The following SPAG17 variants were observed in gnomAD, a reference collection of about 807,000 sequenced individuals.
SPAG17 encodes sperm associated antigen 17.
SPAG17 carries 169 observed loss-of-function variants against 273.6 expected under a neutral mutation model. The ratio of observed to expected loss-of-function variants is 0.62; its 90% CI spans 0.55 to 0.70. The LOEUF (loss-of-function observed/expected upper bound fraction) is 0.70, where lower values mean the gene tolerates loss of function less well. SPAG17 is among the 30% of genes least tolerant of loss of function. The probability of loss-of-function intolerance (pLI) is 0.00; values close to 1 mark genes in which losing one functional copy is unlikely to be tolerated. For missense variants in SPAG17, 2,557 were observed against 2,627.8 expected (o/e 0.97, Z 0.59); for synonymous variants, 825 against 873.2 (o/e 0.94, Z 0.97).
chr1:118,058,283 C>T (rs574418335), intron 18 of SPAG17, among the ~76,000 whole-genome samples: 60 of 152,268 alleles, frequency 3.9e-4, no homozygotes, highest in African/African-American at 1.3e-3. Flanking sequence ...TCATGTCTCA[C>T]AGGTGCCTCA....
rs72374195 is a variant in SPAG17, at chr1:118,089,332, C to CGTGTGTGTGT, written c.1359+2264_1359+2273dup. Among the ~76,000 whole-genome samples the CGTGTGTGTGT allele has an allele frequency of 2.3e-4, 31 of 135,878 alleles. 1 individual carries two copies. Among genetic ancestry groups the CGTGTGTGTGT allele is most frequent in the African/African-American group, 7.7e-4 (28 of 36,500 alleles). 89.1% of individuals were successfully genotyped at this position (135,878 alleles called of 152,430 possible). ...AAAACCAGAAGGCCTATGTAGATGA[C>CGTGTGTGTGT]GTGTGTGTGTGTGTGTGTGTGTGGT... is the stretch of plus-strand genomic sequence containing the variant. On this transcript the variant is annotated intron_variant, in intron 10 of 48. Coordinates refer to ENST00000336338, the MANE Select transcript of SPAG17 (RefSeq NM_206996.4).
rs1242569093 is a variant in SPAG17, at chr1:118,036,844, C to A, written c.3359G>T (p.Gly1120Val). 3 of 1,561,016 alleles carry A rather than the reference C, an allele frequency of 1.9e-6. No homozygotes were observed. Among genetic ancestry groups the A allele is most frequent in the Non-Finnish European group, 2.6e-6 (3 of 1,150,992 alleles). The change falls in exon 24 of 49, where the codon GGA becomes GTA. Residue 1120 changes from glycine to valine, a missense_variant. Gly to Val is a moderately radical substitution (Grantham distance 109, BLOSUM62 -3). Transcript: ENST00000336338. ...ATTTTCTAAGGTGGCAGAAAAAGAT[C>A]CAAACTTGCTGAAAGCTTTATTCTT... The part of the protein sequence containing the change: ...DAKNKAFSKF[G>V]SFSATLENGI...
intron 28 of SPAG17, among the ~76,000 whole-genome samples, chr1:118,020,220 A>G (rs1017805923): frequency 6.6e-6 from 1 of 152,200 alleles, no homozygotes; most frequent in African/African-American, 2.4e-5. Flanking sequence ...GGAGTTCAAG[A>G]CCAGCCTGGC....
chr1:118,033,392 C>CT (rs917686022), intron 24 of SPAG17, among the ~76,000 whole-genome samples: 7 of 152,156 alleles, frequency 4.6e-5, no homozygotes, highest in African/African-American at 1.4e-4. Flanking sequence ...TTTGCATTTA[C>CT]TTTTTTTGAC....
chr1:118,141,882 T>A (rs1252029540), intron 3 of SPAG17, among the ~76,000 whole-genome samples: 1 of 152,240 alleles, frequency 6.6e-6, no homozygotes, highest in African/African-American at 2.4e-5. Context: ...ATAATGTATA[T>A]TAGTCTCCAT....
intron 46 of SPAG17, among the ~76,000 whole-genome samples, chr1:117,969,619 T>A (rs1654322227): frequency 1.3e-5 from 2 of 152,070 alleles, no homozygotes; most frequent in Admixed American, 1.3e-4. Context: ...CAAATATGAT[T>A]TCTTAGTATG....
intron 3 of SPAG17, among the ~76,000 whole-genome samples, chr1:118,149,755 G>T (rs1659270443): frequency 6.6e-6 from 1 of 152,190 alleles, no homozygotes. Flanking sequence ...GTGCAAACAA[G>T]TTCGTCTTAG....
chr1:117,992,581 A>G lies in SPAG17; in HGVS notation c.5246T>C (p.Leu1749Pro), dbSNP rs1439023822. The G allele has an allele frequency of 6.2e-7, 1 of 1,613,758 alleles. No individual in the cohort carries two copies. The highest frequency in any genetic ancestry group is 8.5e-7 in the Non-Finnish European group (1 of 1,179,842). Residue 1749 changes from leucine (L) to proline (P), a missense_variant, in exon 36 of 49, where the codon CTA becomes CCA. Physicochemically the swap from Leu to Pro is moderately conservative, Grantham distance 98 (BLOSUM62 -3). Coordinates refer to ENST00000336338, the MANE Select transcript of SPAG17 (RefSeq NM_206996.4). ...GAGTATGGCACCCGGGGCACTCACT[A>G]GCTGTTTGGACTCAATGCAAAGGCC... ...WKGLCIESKQ[L>P]VSAPGAILKS...
intron 1 of SPAG17, among the ~76,000 whole-genome samples, chr1:118,161,697 G>A (rs905878929): frequency 6.6e-6 from 1 of 151,996 alleles, no homozygotes; most frequent in Admixed American, 6.6e-5. Context: ...GCCCCCACCT[G>A]GCTAATTTTT....
At chr1:118,182,624 G>C (rs974534304) in intron 1 of SPAG17, among the ~76,000 whole-genome samples, 1 of 152,078 alleles carries the variant, frequency 6.6e-6, no homozygotes, top group Admixed American at 6.6e-5. Context: ...CCATTTCCTT[G>C]ACGGAATTAA....
chr1:118,019,273 C>G (rs923476959), intron 28 of SPAG17, among the ~76,000 whole-genome samples: 1 of 150,854 alleles, frequency 6.6e-6, no homozygotes, highest in Non-Finnish European at 1.5e-5. Context: ...TAAAAAGGGG[C>G]CAAAAATATG....
intron 28 of SPAG17, among the ~76,000 whole-genome samples, chr1:118,021,447 G>A (rs1195567647): frequency 2.0e-5 from 3 of 152,080 alleles, no homozygotes; most frequent in Non-Finnish European, 4.4e-5. Flanking sequence ...AGGGTGAATA[G>A]GTGAAGAGGG....
At chr1:118,107,158 G>C (rs1323356953) in intron 4 of SPAG17, among the ~76,000 whole-genome samples, 1 of 152,122 alleles carries the variant, frequency 6.6e-6, no homozygotes, top group East Asian at 1.9e-4. Flanking sequence ...ACACAACTGT[G>C]GTAGAGAGTG....
intron 1 of SPAG17, among the ~76,000 whole-genome samples, chr1:118,155,252 A>AGTATTCAT (rs1267266363): frequency 6.6e-6 from 1 of 152,214 alleles, no homozygotes; most frequent in Non-Finnish European, 1.5e-5. Flanking sequence ...AAGGCAGGAA[A>AGTATTCAT]GTATTCATGT....
intron 4 of SPAG17, among the ~76,000 whole-genome samples, chr1:118,102,547 T>TA (rs1050613505): frequency 3.3e-5 from 5 of 152,220 alleles, no homozygotes; most frequent in African/African-American, 1.2e-4. Flanking sequence ...TGGTTGCTAT[T>TA]TGATGCCTTC....
chr1:117,966,135 A>T (rs1653813473), intron 47 of SPAG17: 1 of 152,370 alleles, frequency 6.6e-6, no homozygotes, highest in African/African-American at 2.4e-5. Flanking sequence ...GAGTCCAATT[A>T]TCCATTTTTA....
chr1:118,118,189 A>C (rs146613274), intron 3 of SPAG17, among the ~76,000 whole-genome samples: 1 of 152,224 alleles, frequency 6.6e-6, no homozygotes, highest in African/African-American at 2.4e-5. Flanking sequence ...TTTTCACATA[A>C]CATCTCCAAA....
intron 3 of SPAG17, among the ~76,000 whole-genome samples, chr1:118,127,809 A>T (rs1402645771): frequency 7.2e-5 from 11 of 152,126 alleles, no homozygotes; most frequent in African/African-American, 1.7e-4. Context: ...TTGTAATGAT[A>T]GTTCATCTTC....
At chr1:118,049,716 C>T (rs771003334) in intron 20 of SPAG17, among the ~76,000 whole-genome samples, 5 of 152,136 alleles carry the variant, frequency 3.3e-5, no homozygotes, top group Non-Finnish European at 7.4e-5. Flanking sequence ...TAATTGCCAA[C>T]ACAATCTTGA....
Sources: gnomAD v4.1 joint callset for allele counts (sites outside exome capture counted in the v4.1 genomes callset) on GRCh38, gnomAD v4.1.1 for gene constraint, MANE v1.5 for transcripts, NCBI Gene and HGNC (gene_info 2026-07-23, HGNC 2026-07-21) for gene names.